Variants in EML4 observed in about 807,000 individuals in gnomAD.
EML4 encodes echinoderm microtubule-associated protein-like 4.
In EML4, 72 loss-of-function variants were observed where a neutral mutation model predicts 129.0. That is an observed-to-expected ratio of 0.56 (90% CI 0.46 to 0.68). The LOEUF (loss-of-function observed/expected upper bound fraction) is 0.68. EML4 is among the 30% of genes least tolerant of loss of function. EML4 has a pLI of 0.00. For missense variants in EML4, 1,363 were observed against 1,190.6 expected (o/e 1.14, Z -2.13); for synonymous variants, 532 against 405.0 (o/e 1.31, Z -3.77).
At position 42,282,826 on chromosome 2, in the gene EML4, T is replaced by C. The variant is rs200625071; in HGVS notation, c.795T>C (p.Tyr265=). 90 of 1,610,490 alleles carry C rather than the reference T, an allele frequency of 5.6e-5. No homozygotes were observed. The highest frequency in any genetic ancestry group is 1.2e-4 in the South Asian group (11 of 90,566). ...PPEKLKLEWA[Y]GYRGKDCRAN... ...CCTTGACTCTTTTTCTGTTAAGATA[T>C]GGTTATCGAGGAAAGGACTGTAGAG... The change falls in exon 8 of 23, where the codon TAT becomes TAC. Residue 265 remains tyrosine (Y), a synonymous_variant. Coordinates refer to ENST00000318522, the MANE Select transcript of EML4 (RefSeq NM_019063.5).
In EML4 at chr2:42,222,607, A is replaced by T. The variant is rs542159496; in HGVS notation, c.26-22898A>T. On this transcript the variant is annotated intron_variant, in intron 1 of 22. Transcript: ENST00000318522. The stretch of plus-strand genomic sequence containing the variant: ...GGTCCTTAACAGAAAAAGTTTGCCA[A>T]CCCCTGTTCTTCATGTACACCTGCT... 2.6e-5 allele frequency among the ~76,000 whole-genome samples: 4 copies of T among 151,848 alleles called. No homozygotes were observed. The South Asian group carries it at 8.3e-4, about 32-fold the overall frequency.
chr2:42,188,847 G>C (rs1671419201), intron 1 of EML4, among the ~76,000 whole-genome samples: 1 of 152,200 alleles, frequency 6.6e-6, no homozygotes, highest in East Asian at 1.9e-4. Flanking sequence ...TTACTTTCAA[G>C]GGCCAAGCAT....
intron 1 of EML4, among the ~76,000 whole-genome samples, chr2:42,189,044 T>G (rs754919515): frequency 7.9e-5 from 12 of 152,104 alleles, no homozygotes; most frequent in Non-Finnish European, 1.5e-4. Flanking sequence ...TTGTTTAAGT[T>G]TTTTAAGAGA....
At chr2:42,269,865 C>T (rs1389535413) in intron 6 of EML4, among the ~76,000 whole-genome samples, 2 of 151,988 alleles carry the variant, frequency 1.3e-5, no homozygotes, top group Admixed American at 6.6e-5. Context: ...CATGAGGTAC[C>T]TCATGCAGGA....
At position 42,262,950 on chromosome 2, in the gene EML4, A is replaced by G. The variant is rs572102744; in HGVS notation, c.513-228A>G. Among the ~76,000 whole-genome samples, 61 of 152,330 alleles carry G rather than the reference A, an allele frequency of 4.0e-4. 1 individual carries two copies. The South Asian group carries it at 6.2e-3, about 16-fold the overall frequency. On this transcript the variant is annotated intron_variant, in intron 4 of 22. Coordinates refer to ENST00000318522, the MANE Select transcript of EML4 (RefSeq NM_019063.5). The stretch of plus-strand genomic sequence containing the variant: ...AGTGTTTTTTAAAAAAAATCAGGTA[A>G]TATTTGTTCTAGTGAATCTTCTGAG...
intron 11 of EML4, among the ~76,000 whole-genome samples, chr2:42,293,737 A>T (rs1467920556): frequency 6.6e-6 from 1 of 152,050 alleles, no homozygotes; most frequent in African/African-American, 2.4e-5. Flanking sequence ...CAGCCTCCCA[A>T]GTAGCTGGGA....
intron 3 of EML4, among the ~76,000 whole-genome samples, chr2:42,260,128 G>A (rs1665634233): frequency 1.3e-5 from 2 of 151,592 alleles, no homozygotes; most frequent in Non-Finnish European, 1.5e-5. Context: ...GCCTCGCAAA[G>A]TACTGGGATT....
intron 17 of EML4, among the ~76,000 whole-genome samples, chr2:42,304,815 G>A (rs1225796474): frequency 1.3e-5 from 2 of 152,138 alleles, no homozygotes; most frequent in East Asian, 1.9e-4. Flanking sequence ...ACATTTTAGC[G>A]TGTATGGGAC....
At chr2:42,195,244 C>A (rs1437274138) in intron 1 of EML4, among the ~76,000 whole-genome samples, 1 of 151,964 alleles carries the variant, frequency 6.6e-6, no homozygotes, top group Non-Finnish European at 1.5e-5. Context: ...CATCATGCTA[C>A]CAGATAAAAC....
At chr2:42,283,053 GT>G in intron 8 of EML4, 81 bp downstream of exon 8, 1 of 1,244,152 alleles carries the variant, frequency 8.0e-7, no homozygotes, top group East Asian at 2.4e-5. Flanking sequence ...TTTATTGAAA[GT>G]GATTTCTTGT....
chr2:42,206,397 G>T (rs962962973), intron 1 of EML4, among the ~76,000 whole-genome samples: 2 of 152,034 alleles, frequency 1.3e-5, no homozygotes, highest in African/African-American at 4.8e-5. Flanking sequence ...AATTTCTGGG[G>T]GAGAAATGGG....
At chr2:42,228,670 C>T (rs759729903) in intron 1 of EML4, among the ~76,000 whole-genome samples, 2 of 152,140 alleles carry the variant, frequency 1.3e-5, no homozygotes, top group African/African-American at 2.4e-5. Context: ...ACCAGGCTTT[C>T]ATTCTTTTCT....
At chr2:42,186,023 T>C (rs994664913) in intron 1 of EML4, among the ~76,000 whole-genome samples, 1 of 152,180 alleles carries the variant, frequency 6.6e-6, no homozygotes, top group African/African-American at 2.4e-5. Flanking sequence ...GTCATTATTT[T>C]ATAATACCAA....
chr2:42,282,933 C>A lies in EML4; in HGVS notation c.902C>A (p.Thr301Asn). The stretch of plus-strand genomic sequence containing the variant: ...GTACTATTTAATTATGAGGAGAGAA[C>A]TCAGCGACACTACCTGGGCCATACA... ...VVVLFNYEER[T>N]QRHYLGHTDC... The change falls in exon 8 of 23, where the codon ACT becomes AAT. Residue 301 changes from threonine (T) to asparagine (N), a missense_variant. Physicochemically the swap from Thr to Asn is moderately conservative, Grantham distance 65 (BLOSUM62 0). Transcript: ENST00000318522. The A allele has an allele frequency of 6.2e-7, 1 of 1,613,684 alleles. No homozygotes were observed. The highest frequency in any genetic ancestry group is 8.5e-7 in the Non-Finnish European group (1 of 1,179,670).
At chr2:42,276,396 A>T (rs1223497850) in intron 6 of EML4, among the ~76,000 whole-genome samples, 1 of 152,012 alleles carries the variant, frequency 6.6e-6, no homozygotes, top group African/African-American at 2.4e-5. Context: ...CAGTGTCCCC[A>T]CCCTCAGTCA....
intron 2 of EML4, among the ~76,000 whole-genome samples, chr2:42,251,090 C>A (rs1394257965): frequency 6.6e-6 from 1 of 152,190 alleles, no homozygotes; most frequent in African/African-American, 2.4e-5. Flanking sequence ...ACAGATGAAG[C>A]TTCACTCTCT....
At chr2:42,208,050 C>T (rs754558848) in intron 1 of EML4, 1 of 152,234 alleles carries the variant, frequency 6.6e-6, no homozygotes, top group African/African-American at 2.4e-5. Context: ...TAGCAGCTCA[C>T]ACTTTCAATT....
At chr2:42,238,363 G>A (rs990113986) in intron 1 of EML4, among the ~76,000 whole-genome samples, 1 of 152,194 alleles carries the variant, frequency 6.6e-6, no homozygotes, top group Non-Finnish European at 1.5e-5. Context: ...TAGGAAATTA[G>A]ATTGGAAAGG....
intron 17 of EML4, among the ~76,000 whole-genome samples, chr2:42,312,913 T>C (rs1016328464): frequency 2.0e-5 from 3 of 150,216 alleles, no homozygotes; most frequent in Non-Finnish European, 4.4e-5. Flanking sequence ...ACCTTCAAGT[T>C]GTCCTGCCTT....
Sources: allele counts gnomAD v4.1 joint callset (sites outside exome capture counted in the v4.1 genomes callset), GRCh38; gene constraint gnomAD v4.1.1; transcripts MANE v1.5; gene names NCBI Gene and HGNC (gene_info 2026-07-23, HGNC 2026-07-21).